RIMS1: variants seen among roughly 807,000 people sequenced by gnomAD.
The protein encoded by RIMS1 is regulating synaptic membrane exocytosis protein 1.
In RIMS1, 83 loss-of-function variants were observed where a neutral mutation model predicts 214.1. The ratio of observed to expected loss-of-function variants is 0.39; its 90% CI spans 0.32 to 0.47. The LOEUF (loss-of-function observed/expected upper bound fraction) is 0.47, where lower values mean the gene tolerates loss of function less well. RIMS1 is among the 20% of genes least tolerant of loss of function. RIMS1 has a pLI of 0.99. For synonymous variants in RIMS1, 793 were observed against 786.8 expected (o/e 1.01, Z -0.13); for missense variants, 2,050 against 2,161.8 (o/e 0.95, Z 1.03).
In RIMS1 at chr6:72,235,605, C is replaced by T; in HGVS notation, c.1747-13C>T. On this transcript the variant is annotated splice_polypyrimidine_tract_variant and intron_variant, in intron 7 of 33. Coordinates refer to ENST00000521978, the MANE Select transcript of RIMS1 (RefSeq NM_014989.7). ...GTATATATTACTTTTTAAACTCATT[C>T]ATGTTTTAACAGCATCCTGTAACGT... 9 of 1,562,312 alleles carry T rather than the reference C, an allele frequency of 5.8e-6. No homozygotes were observed. The highest frequency in any genetic ancestry group is 7.9e-6 in the Non-Finnish European group (9 of 1,137,490).
At chr6:72,258,932 C>T in intron 17 of RIMS1, 54 bp from the exon 18 acceptor site, 1 of 1,563,796 alleles carries the variant, frequency 6.4e-7, no homozygotes, top group South Asian at 1.1e-5. Flanking sequence ...GTCTGTCTGC[C>T]TGTTTTGGGA....
intron 2 of RIMS1, among the ~76,000 whole-genome samples, chr6:71,998,724 A>C (rs1415795576): frequency 6.6e-6 from 1 of 152,118 alleles, no homozygotes; most frequent in Non-Finnish European, 1.5e-5. Flanking sequence ...TATTGTGTTC[A>C]TCAATATTAC....
At chr6:72,339,101 T>A (rs2096951395) in intron 29 of RIMS1, among the ~76,000 whole-genome samples, 1 of 151,684 alleles carries the variant, frequency 6.6e-6, no homozygotes, top group African/African-American at 2.4e-5. Flanking sequence ...ACAATTATAT[T>A]AAATACAAGT....
intron 1 of RIMS1, among the ~76,000 whole-genome samples, chr6:71,890,596 A>AAAAAAAAAAAAAAC (rs1554194854): frequency 3.5e-5 from 4 of 112,950 alleles, no homozygotes; most frequent in Admixed American, 9.1e-5. Context: ...AAAAAAAAAA[A>AAAAAAAAAAAAAAC]ACTTCATAGA....
At chr6:71,911,510 G>A (rs979411056) in intron 1 of RIMS1, among the ~76,000 whole-genome samples, 3 of 152,156 alleles carry the variant, frequency 2.0e-5, no homozygotes, top group African/African-American at 7.2e-5. Context: ...CTTGGCAATA[G>A]TAAAGGAAAG....
intron 29 of RIMS1, among the ~76,000 whole-genome samples, chr6:72,336,313 C>T (rs554924277): frequency 8.6e-5 from 13 of 151,878 alleles, no homozygotes; most frequent in African/African-American, 2.9e-4. Flanking sequence ...TGTGGCTCAT[C>T]TTTGTATTAA....
At chr6:71,975,062 T>A (rs1796807501) in intron 2 of RIMS1, among the ~76,000 whole-genome samples, 1 of 152,128 alleles carries the variant, frequency 6.6e-6, no homozygotes, top group Non-Finnish European at 1.5e-5. Context: ...TAAAATTTTT[T>A]AAAAAGCCAG....
intron 4 of RIMS1, among the ~76,000 whole-genome samples, chr6:72,118,956 A>G (rs1490453044): frequency 2.0e-5 from 3 of 151,682 alleles, no homozygotes; most frequent in South Asian, 2.1e-4. Context: ...TCAGCATCAT[A>G]CTGGAAGTCC....
intron 2 of RIMS1, among the ~76,000 whole-genome samples, chr6:72,020,834 G>T (rs978339376): frequency 1.3e-5 from 2 of 152,118 alleles, no homozygotes; most frequent in African/African-American, 4.8e-5. Context: ...ACTCCAACAA[G>T]GAATCTGACT....
intron 29 of RIMS1, among the ~76,000 whole-genome samples, chr6:72,363,303 G>T (rs187975582): frequency 6.6e-6 from 1 of 152,122 alleles, no homozygotes; most frequent in African/African-American, 2.4e-5. Context: ...AAAAAGTGGC[G>T]CAAAAACATT....
At chr6:72,286,089 C>A (rs542316373) in intron 24 of RIMS1, among the ~76,000 whole-genome samples, 1 of 151,742 alleles carries the variant, frequency 6.6e-6, no homozygotes, top group East Asian at 1.9e-4. Flanking sequence ...CCCAGCTACT[C>A]GGGAGGCTGA....
At chr6:72,176,526 T>C (rs2047733019) in intron 4 of RIMS1, among the ~76,000 whole-genome samples, 1 of 152,174 alleles carries the variant, frequency 6.6e-6, no homozygotes, top group Admixed American at 6.5e-5. Flanking sequence ...GATTAATTTG[T>C]AGAACTGAAA....
chr6:71,916,896 T>C (rs1394607552), intron 1 of RIMS1, among the ~76,000 whole-genome samples: 1 of 152,074 alleles, frequency 6.6e-6, no homozygotes, highest in African/African-American at 2.4e-5. Context: ...TATTTATTAA[T>C]TGAGTGCCTG....
In RIMS1 at chr6:72,154,528, A is replaced by G. The variant is rs996608127; in HGVS notation, c.472-25047A>G. ...GTTAACAAATGAGAACAACCTGGTG[A>G]GTTGAATGAGTAACATCAGCAAGAT... On this transcript the variant is annotated intron_variant, in intron 4 of 33. Coordinates refer to ENST00000521978, the MANE Select transcript of RIMS1 (RefSeq NM_014989.7). Among the ~76,000 whole-genome samples the G allele has an allele frequency of 1.8e-4, 25 of 140,776 alleles. 2 individuals carry two copies. The highest frequency in any genetic ancestry group is 6.2e-4 in the African/African-American group (25 of 40,632). The allele number at this position is 140,776 out of a possible 152,430, so 92.4% of individuals were successfully genotyped here. A position where few individuals can be genotyped will look rare whatever the true frequency, so the allele number is the denominator to read the frequency against.
At chr6:72,153,596 G>A (rs1052829878) in intron 4 of RIMS1, among the ~76,000 whole-genome samples, 2 of 151,948 alleles carry the variant, frequency 1.3e-5, no homozygotes, top group Non-Finnish European at 2.9e-5. Context: ...AAATCAAAGT[G>A]GACATTACTG....
chr6:72,089,278 C>T (rs1406349600), intron 2 of RIMS1, among the ~76,000 whole-genome samples: 2 of 152,082 alleles, frequency 1.3e-5, no homozygotes, highest in Admixed American at 6.5e-5. Context: ...AGATGCAGAG[C>T]CACGACAACA....
intron 1 of RIMS1, among the ~76,000 whole-genome samples, chr6:71,898,315 G>A (rs570181450): frequency 6.6e-6 from 1 of 152,184 alleles, no homozygotes; most frequent in South Asian, 2.1e-4. Flanking sequence ...TTGCCAGAAA[G>A]CATTCTACTG....
chr6:72,200,248 A>G (rs886248835), intron 6 of RIMS1, among the ~76,000 whole-genome samples: 2 of 151,760 alleles, frequency 1.3e-5, no homozygotes, highest in African/African-American at 4.8e-5. Context: ...TCATATATTA[A>G]TTTTTCATTG....
chr6:71,912,543 T>C (rs1777234124), intron 1 of RIMS1, among the ~76,000 whole-genome samples: 1 of 152,154 alleles, frequency 6.6e-6, no homozygotes, highest in African/African-American at 2.4e-5. Context: ...TACATATTTA[T>C]TTAAAATGTC....
Sources: allele counts gnomAD v4.1 joint callset (sites outside exome capture counted in the v4.1 genomes callset), GRCh38; gene constraint gnomAD v4.1.1; transcripts MANE v1.5; gene names NCBI Gene and HGNC (gene_info 2026-07-23, HGNC 2026-07-21).